The following EDARADD variants were observed in gnomAD, a reference collection of about 807,000 sequenced individuals.
EDARADD encodes EDAR associated via death domain, also known as ectodysplasin-A receptor-associated adapter protein.
EDARADD carries 20 observed loss-of-function variants against 25.6 expected under a neutral mutation model. The observed-to-expected ratio is 0.78, with a 90% CI of 0.55 to 1.14. EDARADD has a LOEUF of 1.14. Ranked by LOEUF, EDARADD falls within the 50% of genes most tolerant of loss-of-function variation. The probability of loss-of-function intolerance (pLI) is 0.00; values close to 1 mark genes in which losing one functional copy is unlikely to be tolerated. For missense variants in EDARADD, 225 were observed against 270.1 expected, an observed-to-expected ratio of 0.83 and a Z score of 1.17; for synonymous variants, 86 against 94.4, an observed-to-expected ratio of 0.91 and a Z score of 0.52.
intron 4 of EDARADD, among the ~76,000 whole-genome samples, chr1:236,437,318 C>G (rs1178733912): frequency 6.6e-6 from 1 of 152,216 alleles, no homozygotes. Flanking sequence ...CCTGTAAACA[C>G]TACTTTGGGA....
chr1:236,371,504 T>G (rs1667171492), intron 3 of EDARADD, among the ~76,000 whole-genome samples: 1 of 152,186 alleles, frequency 6.6e-6, no homozygotes, highest in Non-Finnish European at 1.5e-5. Context: ...TGACTTGTTA[T>G]TGATCGTATC....
At chr1:236,407,095 T>C (rs1667751870) in intron 1 of EDARADD, among the ~76,000 whole-genome samples, 1 of 152,180 alleles carries the variant, frequency 6.6e-6, no homozygotes, top group Admixed American at 6.5e-5. Flanking sequence ...GAGGGGTTCA[T>C]GTGGTGCTGG....
At chr1:236,456,444 C>T (rs1187463275) in intron 4 of EDARADD, among the ~76,000 whole-genome samples, 2 of 152,184 alleles carry the variant, frequency 1.3e-5, no homozygotes, top group Non-Finnish European at 2.9e-5. Flanking sequence ...TAGAACTTCT[C>T]TTTCCATCTG....
chr1:236,429,623 G>C (rs954046979), intron 4 of EDARADD, among the ~76,000 whole-genome samples: 4 of 151,648 alleles, frequency 2.6e-5, no homozygotes, highest in African/African-American at 9.7e-5. Context: ...GGCCTCAAGT[G>C]ATCTGTCCAC....
At chr1:236,439,912 G>A (rs900430336) in intron 4 of EDARADD, among the ~76,000 whole-genome samples, 1 of 152,062 alleles carries the variant, frequency 6.6e-6, no homozygotes, top group African/African-American at 2.4e-5. Flanking sequence ...TATCTAAAAA[G>A]TCATTGTCAT....
At chr1:236,468,313 C>T (rs754495391) in intron 5 of EDARADD, 37 bp downstream of exon 5, 4 of 1,601,852 alleles carry the variant, frequency 2.5e-6, no homozygotes, top group Admixed American at 1.7e-5. Context: ...GGGCTAATAG[C>T]TAGTGTGGCT....
At chr1:236,478,097 T>C (rs544751823) in intron 5 of EDARADD, among the ~76,000 whole-genome samples, 13 of 151,570 alleles carry the variant, frequency 8.6e-5, no homozygotes, top group South Asian at 4.2e-4. Context: ...GATGAGACTG[T>C]CTCAAAAAAA....
chr1:236,359,751 A>G (rs1667024256), intron 3 of EDARADD, among the ~76,000 whole-genome samples: 1 of 152,168 alleles, frequency 6.6e-6, no homozygotes, highest in Admixed American at 6.5e-5. Context: ...CTTACTCACT[A>G]TCATGAGAAC....
rs530171347 is a variant in EDARADD at position 236,455,812 on chromosome 1, C to T, written c.220-12419C>T. ...AATCGCCTGTTCTTTTTTTTTGAGA[C>T]GGAGTCTCGCTCTGTCACCCAGGCT... On this transcript the variant is annotated intron_variant, in intron 4 of 5. Coordinates refer to ENST00000334232, the MANE Select transcript of EDARADD (RefSeq NM_145861.4). 3.5e-4 allele frequency among the ~76,000 whole-genome samples: 53 copies of T among 152,154 alleles called. No individual in the cohort carries two copies. The South Asian group carries it at 8.3e-3, about 24-fold the overall frequency.
At chr1:236,481,870 T>A (rs1224656064) in intron 5 of EDARADD, among the ~76,000 whole-genome samples, 2 of 151,232 alleles carry the variant, frequency 1.3e-5, no homozygotes, top group Non-Finnish European at 2.9e-5. Context: ...TCGCAGCACT[T>A]TGGGAGGCCG....
chr1:236,394,562 G>C, intron 1 of EDARADD, 57 bp downstream of exon 1: 1 of 1,538,904 alleles, frequency 6.5e-7, no homozygotes, highest in Non-Finnish European at 8.9e-7. Context: ...TTAGCCAGAG[G>C]TTGCTTATTT....
chr1:236,466,538 A>G (rs1363152726), intron 4 of EDARADD, among the ~76,000 whole-genome samples: 1 of 152,158 alleles, frequency 6.6e-6, no homozygotes, highest in East Asian at 1.9e-4. Flanking sequence ...AATTGTATGA[A>G]TTATGGTAAG....
At chr1:236,423,017 C>A (rs1657821074) in intron 3 of EDARADD, among the ~76,000 whole-genome samples, 1 of 152,124 alleles carries the variant, frequency 6.6e-6, no homozygotes, top group South Asian at 2.1e-4. Flanking sequence ...AGGGCAGTTT[C>A]TTGCATCAAA....
Position 236,466,842 on chromosome 1 carries a change from G to C in EDARADD, c.220-1389G>C, listed in dbSNP as rs184595127. Among the ~76,000 whole-genome samples the C allele has an allele frequency of 5.2e-3, 790 of 152,260 alleles. 8 individuals are homozygous for C. Among genetic ancestry groups the C allele is most frequent in the African/African-American group, 0.017 (704 of 41,554 alleles). On this transcript the variant is annotated intron_variant, in intron 4 of 5. Transcript: ENST00000334232. ...CCAACACTTTGGGAGGCCAAGGTGGGCGGATCATGAGGTCAGGAGTTCGAG... is the reference window on the plus strand; with the variant it reads ...CCAACACTTTGGGAGGCCAAGGTGGCCGGATCATGAGGTCAGGAGTTCGAG...
Position 236,405,456 on chromosome 1 carries a change from T to C in EDARADD, c.62-3760T>C, listed in dbSNP as rs77130461. 0.021 allele frequency among the ~76,000 whole-genome samples: 3,166 copies of C among 152,208 alleles called. 309 individuals carry two copies. In the East Asian group the frequency reaches 0.34, roughly 16 times the overall value. On this transcript the variant is annotated intron_variant, in intron 1 of 5. Coordinates refer to ENST00000334232, the MANE Select transcript of EDARADD (RefSeq NM_145861.4). ...CAGAATAATGGTAGTAAGCTGAGTG[T>C]GGGATCCGGAGACCTGGAACTCCTC...
intron 3 of EDARADD, among the ~76,000 whole-genome samples, chr1:236,352,132 T>C (rs973903298): frequency 6.6e-6 from 1 of 152,184 alleles, no homozygotes. Context: ...CTTCTGTAGC[T>C]ATTTACAGTT....
At chr1:236,353,654 G>A (rs1435440048) in intron 3 of EDARADD, among the ~76,000 whole-genome samples, 2 of 142,848 alleles carry the variant, frequency 1.4e-5, no homozygotes, top group Admixed American at 7.2e-5. Flanking sequence ...CTTCAGCCTG[G>A]GCAACAGAGC....
At chr1:236,469,920 G>T (rs1410122525) in intron 5 of EDARADD, among the ~76,000 whole-genome samples, 2 of 151,874 alleles carry the variant, frequency 1.3e-5, no homozygotes, top group African/African-American at 4.8e-5. Context: ...ATGTTGGCCA[G>T]GCTGGTCTCG....
At chr1:236,432,530 A>G (rs2103018603) in intron 4 of EDARADD, among the ~76,000 whole-genome samples, 1 of 152,294 alleles carries the variant, frequency 6.6e-6, no homozygotes, top group East Asian at 1.9e-4. Context: ...AAATAATGAC[A>G]TTGTCTTCTA....
Sources: allele counts gnomAD v4.1 joint callset (sites outside exome capture counted in the v4.1 genomes callset), GRCh38; gene constraint gnomAD v4.1.1; transcripts MANE v1.5; gene names NCBI Gene and HGNC (gene_info 2026-07-23, HGNC 2026-07-21).